The following NMNAT2 variants were observed in gnomAD, a reference collection of about 807,000 sequenced individuals.
NMNAT2 encodes the protein nicotinamide/nicotinic acid mononucleotide adenylyltransferase 2.
Under a neutral mutation model 41.6 loss-of-function variants are expected in NMNAT2, and 11 were observed. That is an observed-to-expected ratio of 0.26 (90% CI 0.17 to 0.44). The LOEUF (loss-of-function observed/expected upper bound fraction) is 0.44. Among genes scored for constraint, NMNAT2 ranks in the 20% least tolerant of loss-of-function variants. The probability of loss-of-function intolerance (pLI) is 1.00; values close to 1 mark genes in which losing one functional copy is unlikely to be tolerated. For synonymous variants in NMNAT2, 148 were observed against 151.2 expected, an observed-to-expected ratio of 0.98 and a Z score of 0.16; for missense variants, 288 against 407.7, an observed-to-expected ratio of 0.71 and a Z score of 2.53.
intron 10 of NMNAT2, among the ~76,000 whole-genome samples, chr1:183,259,801 G>A (rs377064371): frequency 1.3e-4 from 20 of 152,128 alleles, no homozygotes; most frequent in Admixed American, 1.0e-3. Flanking sequence ...GGGTTTCACC[G>A]TGTTAGCCAG....
At chr1:183,366,147 G>A (rs1663405637) in intron 1 of NMNAT2, among the ~76,000 whole-genome samples, 1 of 152,152 alleles carries the variant, frequency 6.6e-6, no homozygotes, top group African/African-American at 2.4e-5. Context: ...CTACATGCAT[G>A]GCAGAAATTA....
At chr1:183,309,777 G>A (rs1304197403) in intron 1 of NMNAT2, among the ~76,000 whole-genome samples, 3 of 152,208 alleles carry the variant, frequency 2.0e-5, no homozygotes, top group Non-Finnish European at 4.4e-5. Context: ...ACGAAAACCT[G>A]TACAAAATTC....
At chr1:183,323,948 G>A (rs1041964114) in intron 1 of NMNAT2, among the ~76,000 whole-genome samples, 9 of 152,198 alleles carry the variant, frequency 5.9e-5, no homozygotes, top group African/African-American at 2.2e-4. Context: ...ATGAGGGAGT[G>A]AGGTTTAAGA....
At position 183,269,018 on chromosome 1, in the gene NMNAT2, T is replaced by A. The variant is rs12029197; in HGVS notation, c.652-7715A>T. Among the ~76,000 whole-genome samples, 321 of 152,300 alleles carry A rather than the reference T, an allele frequency of 2.1e-3. 5 individuals are homozygous for A. In the East Asian group the frequency reaches 0.052, roughly 25 times the overall value. On this transcript the variant is annotated intron_variant, in intron 8 of 10. Coordinates refer to ENST00000287713, the MANE Select transcript of NMNAT2 (RefSeq NM_015039.4). Reference sequence around the variant, plus strand: ...CTAGAAGTTCAAGGCTGCAGTGAGCTATGATCACGCCACTGCACGCTAGCC... The same window carrying A: ...CTAGAAGTTCAAGGCTGCAGTGAGCAATGATCACGCCACTGCACGCTAGCC...
chr1:183,300,387 G>A (rs938470779), intron 1 of NMNAT2, among the ~76,000 whole-genome samples: 4 of 149,166 alleles, frequency 2.7e-5, no homozygotes, highest in African/African-American at 7.4e-5. Context: ...GGGTGACAGA[G>A]CCAGACTCTG....
At chr1:183,409,253 T>C (rs574913861) in intron 1 of NMNAT2, among the ~76,000 whole-genome samples, 3 of 152,296 alleles carry the variant, frequency 2.0e-5, no homozygotes, top group South Asian at 4.1e-4. Flanking sequence ...CCCCTTACCA[T>C]AGTGTCACTT....
At chr1:183,341,729 A>AAAAAAAAAAAAAC (rs1662813513) in intron 1 of NMNAT2, among the ~76,000 whole-genome samples, 1 of 134,220 alleles carries the variant, frequency 7.5e-6, no homozygotes, top group African/African-American at 2.8e-5. Flanking sequence ...AAACACCAAA[A>AAAAAAAAAAAAAC]AAAAAAAAAA....
intron 8 of NMNAT2, chr1:183,266,873 C>G (rs752598860): frequency 5.0e-5 from 8 of 158,708 alleles, no homozygotes; most frequent in Admixed American, 3.2e-4. Flanking sequence ...GAAGCTCAGG[C>G]TGATGTGAAG....
chr1:183,379,026 GA>G (rs1202953571), intron 1 of NMNAT2, among the ~76,000 whole-genome samples: 1 of 146,448 alleles, frequency 6.8e-6, no homozygotes, highest in Non-Finnish European at 1.5e-5. Flanking sequence ...CTGGGTGACA[GA>G]GTGAGACTCT....
At chr1:183,292,333 C>T (rs952131888) in intron 3 of NMNAT2, among the ~76,000 whole-genome samples, 3 of 152,198 alleles carry the variant, frequency 2.0e-5, no homozygotes, top group Non-Finnish European at 2.9e-5. Context: ...GGGGCAGGCC[C>T]GCACCTGTCT....
chr1:183,268,759 T>G (rs971323925), intron 8 of NMNAT2, among the ~76,000 whole-genome samples: 3 of 152,164 alleles, frequency 2.0e-5, no homozygotes, highest in African/African-American at 7.2e-5. Flanking sequence ...GAAAACATCA[T>G]GGCAAGGTGT....
At chr1:183,257,100 G>A (rs953018227) in intron 10 of NMNAT2, among the ~76,000 whole-genome samples, 8 of 151,888 alleles carry the variant, frequency 5.3e-5, no homozygotes, top group Non-Finnish European at 1.0e-4. Flanking sequence ...TGCTGGCCTC[G>A]TAGAATGTGC....
intron 1 of NMNAT2, among the ~76,000 whole-genome samples, chr1:183,360,310 C>G (rs1663278824): frequency 6.6e-6 from 1 of 152,096 alleles, no homozygotes; most frequent in Admixed American, 6.6e-5. Context: ...AAAACTTAGA[C>G]TGGGCAAGAT....
chr1:183,302,327 C>T (rs2102317521), intron 1 of NMNAT2, among the ~76,000 whole-genome samples: 1 of 152,306 alleles, frequency 6.6e-6, no homozygotes, highest in East Asian at 1.9e-4. Context: ...ACAGCAGAGA[C>T]ATTAAGTGCT....
chr1:183,289,360 G>A (rs1404223370), intron 4 of NMNAT2, among the ~76,000 whole-genome samples: 1 of 152,194 alleles, frequency 6.6e-6, no homozygotes, highest in African/African-American at 2.4e-5. Flanking sequence ...ACTGATCTGG[G>A]AAGGGTGCTT....
chr1:183,260,701 C>T (rs1163366886), intron 10 of NMNAT2, among the ~76,000 whole-genome samples: 1 of 151,894 alleles, frequency 6.6e-6, no homozygotes, highest in East Asian at 1.9e-4. Flanking sequence ...TGCCTATAAT[C>T]CCAGCTACTC....
At chr1:183,294,038 T>C (rs1557869359) in intron 1 of NMNAT2, among the ~76,000 whole-genome samples, 2 of 152,182 alleles carry the variant, frequency 1.3e-5, no homozygotes, top group African/African-American at 2.4e-5. Context: ...AAAAGTCCTC[T>C]GTGGGAGGAG....
chr1:183,285,234 G>T (rs979069462), intron 5 of NMNAT2, among the ~76,000 whole-genome samples: 4 of 152,154 alleles, frequency 2.6e-5, no homozygotes, highest in African/African-American at 9.7e-5. Context: ...CATTTAAAGG[G>T]CATATAGGCT....
chr1:183,269,488 G>A lies in NMNAT2; in HGVS notation c.652-8185C>T, dbSNP rs945884179. ...CTGAGATCAGCGTTCTGAAGCCTGAGTTTCCCTCCCAAACAGTGTTCTCTT... is the reference window on the plus strand; with the variant it reads ...CTGAGATCAGCGTTCTGAAGCCTGAATTTCCCTCCCAAACAGTGTTCTCTT... On this transcript the variant is annotated intron_variant, in intron 8 of 10. Transcript: ENST00000287713. 3.9e-5 allele frequency among the ~76,000 whole-genome samples: 6 copies of A among 152,358 alleles called. No individual in the cohort carries two copies. The South Asian group carries it at 1.2e-3, about 32-fold the overall frequency.
Sources: allele counts gnomAD v4.1 joint callset (sites outside exome capture counted in the v4.1 genomes callset), GRCh38; gene constraint gnomAD v4.1.1; transcripts MANE v1.5; gene names NCBI Gene and HGNC (gene_info 2026-07-23, HGNC 2026-07-21).